Variants in KALRN observed in about 807,000 individuals in gnomAD.
KALRN encodes kalirin.
In KALRN, 70 loss-of-function variants were observed where a neutral mutation model predicts 353.7. The ratio of observed to expected loss-of-function variants is 0.20; its 90% CI spans 0.16 to 0.24. KALRN has a LOEUF of 0.24. Ranked by LOEUF, KALRN falls within the 10% of genes least tolerant of loss-of-function variation. The pLI, the probability that KALRN is intolerant of heterozygous loss-of-function variation, is 1.00. For missense variants in KALRN, 2,791 were observed against 3,756.7 expected (o/e 0.74, Z 6.72); for synonymous variants, 1,391 against 1,434.8 (o/e 0.97, Z 0.69).
At chr3:124,167,567 A>T (rs1310393396) in intron 1 of KALRN, among the ~76,000 whole-genome samples, 1 of 152,258 alleles carries the variant, frequency 6.6e-6, no homozygotes, top group Non-Finnish European at 1.5e-5. Context: ...TTGTTATTGA[A>T]GTGATCAACA....
chr3:124,048,729 G>C (rs995392973), intron 1 of KALRN, among the ~76,000 whole-genome samples: 1 of 152,152 alleles, frequency 6.6e-6, no homozygotes, highest in African/African-American at 2.4e-5. Flanking sequence ...TGATCCGCCT[G>C]CCTTGGCCTC....
At chr3:124,179,877 A>G (rs964328289) in intron 1 of KALRN, among the ~76,000 whole-genome samples, 1 of 152,230 alleles carries the variant, frequency 6.6e-6, no homozygotes, top group Non-Finnish European at 1.5e-5. Flanking sequence ...GTACTCACCT[A>G]GTTTCGGACC....
chr3:124,575,787 T>C (rs2074030544), intron 34 of KALRN, among the ~76,000 whole-genome samples: 2 of 152,106 alleles, frequency 1.3e-5, no homozygotes, highest in African/African-American at 4.8e-5. Context: ...GTGGGAAAGG[T>C]TCTCTGCTTT....
chr3:124,582,775 G>T (rs187723252), intron 34 of KALRN, among the ~76,000 whole-genome samples: 188 of 130,190 alleles, frequency 1.4e-3, no homozygotes, highest in African/African-American at 4.8e-3. Flanking sequence ...TTTTGGGGGG[G>T]TTGAGCTGGG....
chr3:124,496,621 G>A (rs2063882282), intron 33 of KALRN, among the ~76,000 whole-genome samples: 1 of 152,170 alleles, frequency 6.6e-6, no homozygotes, highest in African/African-American at 2.4e-5. Context: ...GACTGCGGTG[G>A]TTCAGGCTGA....
chr3:124,257,680 C>T (rs1461832671), intron 3 of KALRN, among the ~76,000 whole-genome samples: 1 of 152,128 alleles, frequency 6.6e-6, no homozygotes, highest in Non-Finnish European at 1.5e-5. Flanking sequence ...CTCAGGGGAC[C>T]CATGGCCCAG....
At chr3:124,337,282 T>C (rs1237017738) in intron 9 of KALRN, among the ~76,000 whole-genome samples, 1 of 152,232 alleles carries the variant, frequency 6.6e-6, no homozygotes, top group East Asian at 1.9e-4. Context: ...CAGTATGATA[T>C]TGGCTGTGGG....
At chr3:124,641,154 A>T (rs561094492) in intron 37 of KALRN, among the ~76,000 whole-genome samples, 1 of 152,216 alleles carries the variant, frequency 6.6e-6, no homozygotes, top group South Asian at 2.1e-4. Flanking sequence ...TCTCTGCTGC[A>T]CAAGACCTAC....
chr3:124,384,558 G>C, intron 10 of KALRN: 1 of 284,616 alleles, frequency 3.5e-6, no homozygotes, highest in Admixed American at 5.1e-5. Flanking sequence ...AGGGGATAGG[G>C]AGCAGCTGGG....
At chr3:124,460,954 T>A (rs913278119) in intron 23 of KALRN, among the ~76,000 whole-genome samples, 2 of 152,204 alleles carry the variant, frequency 1.3e-5, no homozygotes, top group African/African-American at 4.8e-5. Flanking sequence ...ATTACTAATT[T>A]ATACTGTGCT....
chr3:124,352,359 G>A (rs1427596748), intron 10 of KALRN, among the ~76,000 whole-genome samples: 2 of 152,122 alleles, frequency 1.3e-5, no homozygotes, highest in African/African-American at 4.8e-5. Context: ...AGTGCCTGTG[G>A]TTTACATAAC....
At position 124,398,725 on chromosome 3, in the gene KALRN, C is replaced by A; in HGVS notation, c.2200C>A (p.Pro734Thr). Residue 734 changes from proline (P) to threonine (T), a missense_variant, in exon 13 of 60, where the codon CCC (proline) becomes ACC (threonine). Pro to Thr is a conservative substitution (Grantham distance 38). Around this residue, in one of 11 missense-constraint regions of KALRN, gnomAD observed 452 missense variants for 575.8 expected, o/e 0.78. Coordinates refer to ENST00000682506, the MANE Select transcript of KALRN (RefSeq NM_001388419.1). Reference protein sequence around the residue: ...RDSAVSNNKTPHSSSISHIES... With the variant: ...RDSAVSNNKTTHSSSISHIES... ...CTCGGCTGTGTCCAACAACAAAACA[C>A]CCCACAGCAGCTCCATCAGCCACAT... 2 of 1,614,206 alleles carry A rather than the reference C, an allele frequency of 1.2e-6. No individual in the cohort carries two copies. Among genetic ancestry groups the A allele is most frequent in the East Asian group, 2.2e-5 (1 of 44,872 alleles).
chr3:124,232,533 C>T (rs938989056), intron 2 of KALRN, among the ~76,000 whole-genome samples: 1 of 152,154 alleles, frequency 6.6e-6, no homozygotes, highest in African/African-American at 2.4e-5. Flanking sequence ...GCTGGGCCCC[C>T]GCCTTATGCC....
At chr3:124,508,166 A>T (rs75322557) in intron 33 of KALRN, among the ~76,000 whole-genome samples, 1,694 of 152,286 alleles carry the variant, frequency 0.011, 51 homozygotes, top group Admixed American at 0.048. Context: ...ATATATGCGA[A>T]AATGTACAAA....
chr3:124,512,891 C>G (rs1490375157), intron 33 of KALRN, among the ~76,000 whole-genome samples: 1 of 151,936 alleles, frequency 6.6e-6, no homozygotes, highest in Non-Finnish European at 1.5e-5. Context: ...ATAAATTTAA[C>G]AAAAACCTAA....
intron 24 of KALRN, among the ~76,000 whole-genome samples, chr3:124,462,312 A>C (rs1339476369): frequency 6.6e-6 from 1 of 152,134 alleles, no homozygotes; most frequent in African/African-American, 2.4e-5. Context: ...ATGACAAGAG[A>C]CTGTGGAGTT....
chr3:124,212,891 T>C (rs78908621), intron 1 of KALRN, among the ~76,000 whole-genome samples: 4,622 of 152,240 alleles, frequency 0.03, 236 homozygotes, highest in African/African-American at 0.11. Flanking sequence ...TTATGTTTAT[T>C]ATCCATTTTC....
At chr3:124,705,952 C>A (rs2062591592) in intron 57 of KALRN, among the ~76,000 whole-genome samples, 1 of 151,854 alleles carries the variant, frequency 6.6e-6, no homozygotes, top group African/African-American at 2.4e-5. Context: ...CACTCTGTCA[C>A]CTAGGCTGGA....
intron 33 of KALRN, among the ~76,000 whole-genome samples, chr3:124,542,508 G>A (rs940486717): frequency 4.6e-5 from 7 of 152,142 alleles, no homozygotes; most frequent in African/African-American, 1.7e-4. Context: ...TAAATTGAAT[G>A]TCACTTTCCG....
Sources: gnomAD v4.1 joint callset for allele counts (sites outside exome capture counted in the v4.1 genomes callset) on GRCh38, gnomAD v4.1.1 for gene constraint, gnomAD v4.1.1 regional missense constraint, MANE v1.5 for transcripts, NCBI Gene and HGNC (gene_info 2026-07-23, HGNC 2026-07-21) for gene names.